The following SPIDR variants were observed in gnomAD, a reference collection of about 807,000 sequenced individuals.
SPIDR encodes scaffold protein involved in DNA repair, also known as DNA repair-scaffolding protein.
A neutral mutation model predicts 104.6 loss-of-function variants in SPIDR; 93 were observed. The ratio of observed to expected loss-of-function variants is 0.89; its 90% CI spans 0.75 to 1.06. SPIDR has a LOEUF of 1.06. Ranked by LOEUF, SPIDR falls within the 50% of genes least tolerant of loss-of-function variation. The pLI is 0.00. For missense variants in SPIDR, 1,154 were observed against 1,111.2 expected, an observed-to-expected ratio of 1.04 and a Z score of -0.55; for synonymous variants, 431 against 416.9, an observed-to-expected ratio of 1.03 and a Z score of -0.41.
chr8:47,509,088 G>C (rs1027112742), intron 8 of SPIDR, among the ~76,000 whole-genome samples: 2 of 152,190 alleles, frequency 1.3e-5, no homozygotes, highest in East Asian at 3.9e-4. Flanking sequence ...CTACAGATCA[G>C]ATTAGAGTGT....
chr8:47,623,853 C>T (rs924731815), intron 10 of SPIDR, among the ~76,000 whole-genome samples: 17 of 152,136 alleles, frequency 1.1e-4, no homozygotes, highest in African/African-American at 3.4e-4. Context: ...CAAGGATATT[C>T]AGGAATTGAA....
At chr8:47,698,997 G>A (rs1172353494) in intron 11 of SPIDR, among the ~76,000 whole-genome samples, 2 of 152,242 alleles carry the variant, frequency 1.3e-5, no homozygotes, top group South Asian at 2.1e-4. Context: ...GTCACTGTCT[G>A]GAAAGGGTTG....
In SPIDR at chr8:47,481,764, T is replaced by G. The variant is rs541690347; in HGVS notation, c.1097+41222T>G. 1.4e-4 allele frequency among the ~76,000 whole-genome samples: 22 copies of G among 152,298 alleles called. No homozygotes were observed. The South Asian group carries it at 3.5e-3, about 24-fold the overall frequency. On this transcript the variant is annotated intron_variant, in intron 8 of 19. Transcript: ENST00000297423. ...TGATTATATGATTGACAAGGTTGAC[T>G]CTACATAATTGAGTTTTAAAAAAGA... is the stretch of plus-strand genomic sequence containing the variant.
chr8:47,500,673 T>C (rs1406055642), intron 8 of SPIDR, among the ~76,000 whole-genome samples: 1 of 152,218 alleles, frequency 6.6e-6, no homozygotes, highest in Non-Finnish European at 1.5e-5. Flanking sequence ...AGTTTTGGCT[T>C]TTGTTGCCAT....
chr8:47,681,651 T>C (rs969482605), intron 11 of SPIDR, among the ~76,000 whole-genome samples: 1 of 152,222 alleles, frequency 6.6e-6, no homozygotes, highest in African/African-American at 2.4e-5. Context: ...TTAGAATTTA[T>C]AACTCTCTAA....
At chr8:47,357,778 AAAAAAATTAGGGAAGG>A in intron 5 of SPIDR, 1 of 851,216 alleles carries the variant, frequency 1.2e-6, no homozygotes, top group Non-Finnish European at 1.4e-6. Flanking sequence ...GGAGTTCTGA[AAAAAAATTAGGGAAGG>A]AAATGGAGAG....
chr8:47,360,202 A>G (rs1182395699), intron 5 of SPIDR, among the ~76,000 whole-genome samples: 4 of 128,974 alleles, frequency 3.1e-5, no homozygotes, highest in Non-Finnish European at 6.2e-5. Flanking sequence ...AGATCGCGCC[A>G]CTGTGCTCCA....
Position 47,446,386 on chromosome 8 carries a change from C to T in SPIDR, c.1097+5844C>T, listed in dbSNP as rs187142835. 9.2e-5 allele frequency among the ~76,000 whole-genome samples: 14 copies of T among 152,230 alleles called. No individual in the cohort carries two copies. In the East Asian group the frequency reaches 2.3e-3, roughly 25 times the overall value. On this transcript the variant is annotated intron_variant, in intron 8 of 19. Coordinates refer to ENST00000297423, the MANE Select transcript of SPIDR (RefSeq NM_001080394.4). ...CTTTAAGCCAAACTTTTGAGACCTA[C>T]TACTGAGAAAAAAAATTTTCTTTTA...
intron 5 of SPIDR, among the ~76,000 whole-genome samples, chr8:47,350,707 C>G (rs151136785): frequency 6.6e-6 from 1 of 152,264 alleles, no homozygotes; most frequent in East Asian, 1.9e-4. Context: ...TGACCACAGC[C>G]CTCATCATAC....
intron 11 of SPIDR, among the ~76,000 whole-genome samples, chr8:47,676,175 A>G (rs1357145908): frequency 6.6e-6 from 1 of 152,242 alleles, no homozygotes; most frequent in Non-Finnish European, 1.5e-5. Flanking sequence ...TGTGGTTGGC[A>G]CTAGAAGCCT....
At chr8:47,555,696 G>T (rs1475202297) in intron 8 of SPIDR, among the ~76,000 whole-genome samples, 1 of 152,166 alleles carries the variant, frequency 6.6e-6, no homozygotes. Context: ...TGTGAAGGGA[G>T]ACCTGTGATT....
intron 5 of SPIDR, among the ~76,000 whole-genome samples, chr8:47,373,915 T>C (rs372973334): frequency 6.6e-6 from 1 of 152,250 alleles, no homozygotes; most frequent in East Asian, 1.9e-4. Flanking sequence ...AGGTTTACTT[T>C]TTAAAGTGCT....
At chr8:47,430,762 T>G (rs1212222062) in intron 7 of SPIDR, among the ~76,000 whole-genome samples, 1 of 152,240 alleles carries the variant, frequency 6.6e-6, no homozygotes, top group Non-Finnish European at 1.5e-5. Context: ...CTTAAATATC[T>G]AATTCTGTAC....
At chr8:47,421,413 G>C (rs1554680423) in intron 7 of SPIDR, among the ~76,000 whole-genome samples, 1 of 152,120 alleles carries the variant, frequency 6.6e-6, no homozygotes, top group Admixed American at 6.5e-5. Context: ...GGCCACTGAG[G>C]CTTGTGGGTT....
chr8:47,359,302 T>C (rs1164266264), intron 5 of SPIDR, among the ~76,000 whole-genome samples: 1 of 152,090 alleles, frequency 6.6e-6, no homozygotes, highest in African/African-American at 2.4e-5. Context: ...TAGTGTTGTT[T>C]TATAATATCC....
At chr8:47,473,360 G>A (rs1434323238) in intron 8 of SPIDR, among the ~76,000 whole-genome samples, 1 of 152,162 alleles carries the variant, frequency 6.6e-6, no homozygotes, top group Non-Finnish European at 1.5e-5. Context: ...CAAAGGATTA[G>A]GATAGAGATG....
intron 8 of SPIDR, among the ~76,000 whole-genome samples, chr8:47,492,214 T>C (rs752879622): frequency 6.6e-6 from 1 of 152,178 alleles, no homozygotes. Flanking sequence ...ACCATGTCTT[T>C]AGTGCATGGT....
chr8:47,324,306 T>G (rs141191141), intron 5 of SPIDR, among the ~76,000 whole-genome samples: 1 of 152,140 alleles, frequency 6.6e-6, no homozygotes, highest in African/African-American at 2.4e-5. Context: ...TGAATGGCCT[T>G]TCCTTCTTTC....
chr8:47,639,330 C>T (rs970716891), intron 10 of SPIDR, among the ~76,000 whole-genome samples: 1 of 152,128 alleles, frequency 6.6e-6, no homozygotes, highest in African/African-American at 2.4e-5. Context: ...ATTAAAATAC[C>T]TCAGTGCAGC....
Sources: gnomAD v4.1 joint callset for allele counts (sites outside exome capture counted in the v4.1 genomes callset) on GRCh38, gnomAD v4.1.1 for gene constraint, MANE v1.5 for transcripts, NCBI Gene and HGNC (gene_info 2026-07-23, HGNC 2026-07-21) for gene names.